Variants in LONRF1 observed in about 807,000 individuals in gnomAD.
LONRF1 encodes the protein LON peptidase N-terminal domain and ring finger 1.
A neutral mutation model predicts 85.8 loss-of-function variants in LONRF1; 37 were observed. The observed-to-expected ratio is 0.43, with a 90% confidence interval of 0.33 to 0.57. LONRF1 has a LOEUF of 0.57. LONRF1 is among the 20% of genes least tolerant of loss of function. LONRF1 has a pLI of 0.04. For missense variants in LONRF1, 1,036 were observed against 978.0 expected (o/e 1.06, Z -0.79); for synonymous variants, 517 against 390.1 (o/e 1.33, Z -3.83).
chr8:12,742,125 A>G (rs1798956643), intron 2 of LONRF1, among the ~76,000 whole-genome samples: 1 of 152,212 alleles, frequency 6.6e-6, no homozygotes, highest in African/African-American at 2.4e-5. Flanking sequence ...ATTCCTTTTC[A>G]ATAGTTTTAA....
At position 12,735,506 on chromosome 8, in the gene LONRF1, G is replaced by C. The variant is rs115080845; in HGVS notation, c.1452-106C>G. Reference sequence around the variant, plus strand: ...TAATCTCTATTTAAAGGAGGAAGAAGGAGGGCCCAGCAGGCAGGAGAGGAG... The same window carrying C: ...TAATCTCTATTTAAAGGAGGAAGAACGAGGGCCCAGCAGGCAGGAGAGGAG... On this transcript the variant is annotated intron_variant, in intron 6 of 11. Coordinates refer to ENST00000398246, the MANE Select transcript of LONRF1 (RefSeq NM_152271.5). 1,330 of 720,222 alleles carry C rather than the reference G, an allele frequency of 1.8e-3. 10 individuals carry two copies. In the African/African-American group the frequency reaches 0.019, roughly 10 times the overall value. 44.6% of individuals were successfully genotyped at this position (720,222 alleles called of 1,614,324 possible). A position where few individuals can be genotyped will look rare whatever the true frequency, so the allele number is the denominator to read the frequency against.
At chr8:12,724,918 G>C (rs1230693654) in intron 11 of LONRF1, among the ~76,000 whole-genome samples, 2 of 152,176 alleles carry the variant, frequency 1.3e-5, no homozygotes, top group African/African-American at 4.8e-5. Context: ...CCTTGAAAAC[G>C]GGAATGAGGC....
rs781303596 is a variant in LONRF1, at chr8:12,728,934, G to A, written c.1977C>T (p.Cys659=). The A allele has an allele frequency of 1.2e-6, 2 of 1,613,860 alleles. No homozygotes were observed. Among genetic ancestry groups the A allele is most frequent in the East Asian group, 2.2e-5 (1 of 44,888 alleles). Residue 659 remains cysteine (C), a synonymous_variant, in exon 10 of 12, where the codon TGC becomes TGT. Coordinates refer to ENST00000398246, the MANE Select transcript of LONRF1 (RefSeq NM_152271.5). The stretch of plus-strand genomic sequence containing the variant: ...CTTCCAGATATTCAATGTCGGCAGT[G>A]CAATATCCATCTTTCATTCCTCTTT... The part of the protein sequence containing the change: ...VLKRGMKDGY[C]TADIEYLEDV...
chr8:12,725,518 C>CAATA (rs1306020646), intron 11 of LONRF1, among the ~76,000 whole-genome samples: 1 of 152,134 alleles, frequency 6.6e-6, no homozygotes, highest in African/African-American at 2.4e-5. Flanking sequence ...TCAGCTGACA[C>CAATA]GTATTTCCAG....
In LONRF1 at chr8:12,737,107, C is replaced by A. The variant is rs1267636243; in HGVS notation, c.1147G>T (p.Val383Phe). ...EEIPEVTSEP[V>F]KGSLNRAQSA... ...TGAGCACGGTTTAAGCTTCCTTTGA[C>A]AGGCTCTGAAGTGACCTCTGGTATT... The change falls in exon 5 of 12, where the codon GTC becomes TTC. Residue 383 changes from valine to phenylalanine, a missense_variant. Val to Phe is a conservative substitution (Grantham distance 50, BLOSUM62 -1). Transcript: ENST00000398246. 6.2e-7 allele frequency: 1 copy of A among 1,613,490 alleles called. No individual in the cohort carries two copies. Among genetic ancestry groups the A allele is most frequent in the South Asian group, 1.1e-5 (1 of 91,056 alleles).
At chr8:12,723,349 G>A (rs1447189273) in intron 11 of LONRF1, 95 bp from the exon 12 acceptor site, 2 of 1,152,538 alleles carry the variant, frequency 1.7e-6, no homozygotes, top group African/African-American at 1.5e-5. Flanking sequence ...TTGAGCACTT[G>A]TACTATGTGC....
intron 7 of LONRF1, among the ~76,000 whole-genome samples, chr8:12,734,104 G>A (rs898510393): frequency 1.3e-5 from 2 of 151,860 alleles, no homozygotes; most frequent in Non-Finnish European, 2.9e-5. Context: ...ATCCTGGGGG[G>A]GTATTTAAAT....
chr8:12,744,351 C>T (rs544163155), intron 1 of LONRF1, among the ~76,000 whole-genome samples: 7 of 151,834 alleles, frequency 4.6e-5, no homozygotes, highest in East Asian at 1.9e-4. Flanking sequence ...TTTATATCAA[C>T]GAAAACATTT....
intron 3 of LONRF1, 113 bp downstream of exon 3, chr8:12,740,759 TAA>T (rs1798901236): frequency 2.3e-6 from 3 of 1,292,562 alleles, no homozygotes; most frequent in Non-Finnish European, 1.1e-6. Flanking sequence ...CATTTGTTCC[TAA>T]GTTAGATTTA....
chr8:12,734,953 T>C (rs1798662298), intron 7 of LONRF1, among the ~76,000 whole-genome samples: 1 of 152,042 alleles, frequency 6.6e-6, no homozygotes, highest in Non-Finnish European at 1.5e-5. Flanking sequence ...TTATTGAGGG[T>C]TGGAGGCAGG....
rs772717028 is a variant in LONRF1, at chr8:12,738,138, A to G, written c.970T>C (p.Cys324Arg). ...AAGTTTTCAGGTAATAATAAATCAC[A>G]TAAAATCTGTAAGAGAAATATTAAA... ...PAKLQVQKIL[C>R]DLLLPENLKE... Residue 324 changes from cysteine to arginine, a missense_variant, in exon 4 of 12, where the codon TGT becomes CGT. Physicochemically the swap from Cys to Arg is radical, Grantham distance 180 (BLOSUM62 -3). Around this residue, in one of 3 missense-constraint regions of LONRF1, gnomAD observed 742 missense variants for 614.4 expected, o/e 1.21. Coordinates refer to ENST00000398246, the MANE Select transcript of LONRF1 (RefSeq NM_152271.5). 6.5e-7 allele frequency: 1 copy of G among 1,545,144 alleles called. No individual in the cohort carries two copies. Among genetic ancestry groups the G allele is most frequent in the South Asian group, 1.2e-5 (1 of 81,806 alleles).
intron 3 of LONRF1, among the ~76,000 whole-genome samples, chr8:12,739,153 CAT>C (rs1415009898): frequency 6.6e-6 from 1 of 151,942 alleles, no homozygotes; most frequent in East Asian, 1.9e-4. Context: ...GATGTAAAAA[CAT>C]ATGTCCACAA....
chr8:12,745,091 AG>A (rs199960533), intron 1 of LONRF1, among the ~76,000 whole-genome samples: 2,576 of 152,202 alleles, frequency 0.017, 86 homozygotes, highest in African/African-American at 0.059. Flanking sequence ...CTCTGACCAA[AG>A]CAAAAAAAGA....
At chr8:12,749,907 T>A (rs1799311085) in intron 1 of LONRF1, among the ~76,000 whole-genome samples, 1 of 152,214 alleles carries the variant, frequency 6.6e-6, no homozygotes, top group Non-Finnish European at 1.5e-5. Flanking sequence ...GACAGGGACT[T>A]TATTTTACTC....
chr8:12,732,528 G>C (rs1421878885), intron 7 of LONRF1, among the ~76,000 whole-genome samples: 1 of 152,134 alleles, frequency 6.6e-6, no homozygotes, highest in African/African-American at 2.4e-5. Flanking sequence ...CTCTGAAAAA[G>C]TACTATCCTC....
intron 1 of LONRF1, among the ~76,000 whole-genome samples, chr8:12,745,693 T>C (rs560097289): frequency 1.9e-4 from 29 of 152,344 alleles, no homozygotes; most frequent in African/African-American, 7.0e-4. Context: ...GTGCCTGGCA[T>C]ATTATGTATT....
At chr8:12,724,413 G>A (rs1806071523) in intron 11 of LONRF1, among the ~76,000 whole-genome samples, 1 of 152,194 alleles carries the variant, frequency 6.6e-6, no homozygotes, top group African/African-American at 2.4e-5. Context: ...TCAGAAGCAC[G>A]CTGTTGGCTG....
intron 1 of LONRF1, among the ~76,000 whole-genome samples, chr8:12,748,172 T>C (rs17767600): frequency 0.083 from 12,656 of 152,220 alleles, 715 homozygotes; most frequent in Non-Finnish European, 0.12. Context: ...TTATTTGCTA[T>C]ACAGTATGTA....
chr8:12,742,037 CAA>C (rs1326448651), intron 2 of LONRF1, among the ~76,000 whole-genome samples: 1 of 152,124 alleles, frequency 6.6e-6, no homozygotes, highest in African/African-American at 2.4e-5. Context: ...ACGTTCTAGC[CAA>C]ACAGTTTTTT....
Sources: gnomAD v4.1 joint callset for allele counts (sites outside exome capture counted in the v4.1 genomes callset) on GRCh38, gnomAD v4.1.1 for gene constraint, gnomAD v4.1.1 regional missense constraint, MANE v1.5 for transcripts, NCBI Gene and HGNC (gene_info 2026-07-23, HGNC 2026-07-21) for gene names.